HMGB1: variants seen among roughly 807,000 people sequenced by gnomAD.
HMGB1 encodes high mobility group box 1, also known as high mobility group protein B1.
For synonymous variants in HMGB1, 81 were observed against 84.0 expected, an observed-to-expected ratio of 0.96 and a Z score of 0.19; for missense variants, 79 against 253.5, an observed-to-expected ratio of 0.31 and a Z score of 4.67.
intron 1 of HMGB1, among the ~76,000 whole-genome samples, chr13:30,587,927 GA>G (rs1871221415): frequency 6.6e-6 from 1 of 152,098 alleles, no homozygotes; most frequent in African/African-American, 2.4e-5. Flanking sequence ...CTAATCTCTG[GA>G]AAAAAGCAAG....
At position 30,459,056 on chromosome 13, in the gene HMGB1, TTA is replaced by T. The variant is rs1886137616; in HGVS notation, c.*2299_*2300del. On this transcript the variant is annotated 3_prime_UTR_variant, in exon 5 of 5. Coordinates refer to ENST00000341423, the MANE Select transcript of HMGB1 (RefSeq NM_002128.7). ...AAAGTTGGCCCAATTAATTATAGATTTAGTCTTTTCTTGATGTCAACAAAGTC... is the reference window on the plus strand; with the variant it reads ...AAAGTTGGCCCAATTAATTATAGATTGTCTTTTCTTGATGTCAACAAAGTC... 1.3e-5 allele frequency: 2 copies of T among 152,170 alleles called. No individual in the cohort carries two copies. Among genetic ancestry groups the T allele is most frequent in the African/African-American group, 4.8e-5 (2 of 41,440 alleles). The allele number at this position is 152,170 out of a possible 1,614,324, so 9.4% of individuals were successfully genotyped here. A position where few individuals can be genotyped will look rare whatever the true frequency, so the allele number is the denominator to read the frequency against.
chr13:30,538,676 CTTTCTTTCCTTTCTTTCTTTCTTTCTT>C (rs1868671202), intron 1 of HMGB1, among the ~76,000 whole-genome samples: 1 of 17,258 alleles, frequency 5.8e-5, no homozygotes, highest in African/African-American at 1.7e-4. Context: ...TTCTTTCTTT[CTTTCTTTCCTTTCTTTCTTTCTTTCTT>C]TTTCTTTCTT....
At chr13:30,534,115 C>G (rs1888559307) in intron 1 of HMGB1, among the ~76,000 whole-genome samples, 1 of 152,192 alleles carries the variant, frequency 6.6e-6, no homozygotes, top group Admixed American at 6.5e-5. Context: ...CTGCCTGCCT[C>G]CCAAAGTGCT....
At chr13:30,508,017 A>C (rs1234041445) in intron 1 of HMGB1, among the ~76,000 whole-genome samples, 1 of 150,142 alleles carries the variant, frequency 6.7e-6, no homozygotes, top group Non-Finnish European at 1.5e-5. Context: ...AAAATAATTA[A>C]TGAGAGCCAG....
At chr13:30,495,142 C>G (rs1035447893) in intron 1 of HMGB1, among the ~76,000 whole-genome samples, 3 of 152,178 alleles carry the variant, frequency 2.0e-5, no homozygotes, top group Admixed American at 2.0e-4. Flanking sequence ...AAGGCCTCAT[C>G]ATCTTTTGGC....
chr13:30,564,885 C>A (rs1447636523), intron 1 of HMGB1, among the ~76,000 whole-genome samples: 3 of 152,138 alleles, frequency 2.0e-5, no homozygotes, highest in African/African-American at 7.2e-5. Flanking sequence ...TTCTAACAAT[C>A]CCACTGCAAA....
rs530524736 is a variant in HMGB1 at position 30,459,613 on chromosome 13, A to C, written c.*1744T>G. On this transcript the variant is annotated 3_prime_UTR_variant, in exon 5 of 5. Coordinates refer to ENST00000341423, the MANE Select transcript of HMGB1 (RefSeq NM_002128.7). ...TAAAAATCTTGTTTAAATCATTCTG[A>C]AAGTAAAACTAGTTTTTCCTCCTTT... The C allele has an allele frequency of 6.6e-6, 1 of 152,294 alleles. No individual in the cohort carries two copies. The highest frequency in any genetic ancestry group is 2.4e-5 in the African/African-American group (1 of 41,570). 9.4% of individuals were successfully genotyped at this position (152,294 alleles called of 1,614,324 possible). A position where few individuals can be genotyped will look rare whatever the true frequency, so the allele number is the denominator to read the frequency against.
intron 1 of HMGB1, among the ~76,000 whole-genome samples, chr13:30,498,262 G>A (rs907977392): frequency 6.6e-6 from 1 of 152,210 alleles, no homozygotes; most frequent in Admixed American, 6.5e-5. Flanking sequence ...GGAGGTTGTA[G>A]TGAGCCGAGA....
chr13:30,526,187 G>C lies in HMGB1; in HGVS notation c.-14-62493C>G, dbSNP rs573995436. Among the ~76,000 whole-genome samples the C allele has an allele frequency of 4.1e-4, 63 of 152,294 alleles. No individual in the cohort carries two copies. In the Middle Eastern group the frequency reaches 0.017, roughly 41 times the overall value. ...TTCTCACGCCTCAGTCTCCTGAGTAGCTGGGATTACAGGCATGCACCACCA... is the reference window on the plus strand; with the variant it reads ...TTCTCACGCCTCAGTCTCCTGAGTACCTGGGATTACAGGCATGCACCACCA... On this transcript the variant is annotated intron_variant, in intron 1 of 4. Transcript: ENST00000405805.
At chr13:30,549,691 G>A (rs1345211540) in intron 1 of HMGB1, among the ~76,000 whole-genome samples, 1 of 145,180 alleles carries the variant, frequency 6.9e-6, no homozygotes, top group Non-Finnish European at 1.5e-5. Context: ...CACTGTGCCT[G>A]GCACAAACAC....
chr13:30,467,390 C>T (rs143816855), upstream of HMGB1, among the ~76,000 whole-genome samples: 1 of 152,160 alleles, frequency 6.6e-6, no homozygotes, highest in Non-Finnish European at 1.5e-5. Flanking sequence ...TATTAAACTA[C>T]TTGAGAGTAA....
chr13:30,592,311 G>T lies in HMGB1; in HGVS notation c.-15+24360C>A, dbSNP rs144498632. Among the ~76,000 whole-genome samples the T allele has an allele frequency of 4.8e-3, 723 of 151,998 alleles. 6 individuals are homozygous for T. The highest frequency in any genetic ancestry group is 0.016 in the African/African-American group (645 of 41,480). ...TTGGCATATTTAGTTACTGTATTAAGAAAATGTACAACACATAATTTAGAA... is the reference window on the plus strand; with the variant it reads ...TTGGCATATTTAGTTACTGTATTAATAAAATGTACAACACATAATTTAGAA... On this transcript the variant is annotated intron_variant, in intron 1 of 4. Coordinates refer to the HMGB1 transcript ENST00000405805.
chr13:30,592,021 C>T (rs1871392784), intron 1 of HMGB1, among the ~76,000 whole-genome samples: 1 of 151,952 alleles, frequency 6.6e-6, no homozygotes, highest in Admixed American at 6.6e-5. Flanking sequence ...TGTGTTCTTT[C>T]CTCTCAATTT....
chr13:30,498,278 C>T (rs1887656966), intron 1 of HMGB1, among the ~76,000 whole-genome samples: 1 of 152,164 alleles, frequency 6.6e-6, no homozygotes, highest in Non-Finnish European at 1.5e-5. Context: ...CGAGATTGCA[C>T]CACTGCACTC....
upstream of HMGB1, among the ~76,000 whole-genome samples, chr13:30,467,486 TG>T (rs1886822396): frequency 6.6e-6 from 1 of 152,228 alleles, no homozygotes; most frequent in Admixed American, 6.5e-5. Context: ...TCTTGGTGAA[TG>T]GACAATATAT....
At chr13:30,465,677 C>A (rs1383906205) in intron 1 of HMGB1, 119 bp downstream of exon 1, 4 of 336,338 alleles carry the variant, frequency 1.2e-5, no homozygotes, top group African/African-American at 2.2e-5. Context: ...ACGGTCCCCC[C>A]TCATTTGCCT....
chr13:30,590,894 C>T (rs187689193), intron 1 of HMGB1, among the ~76,000 whole-genome samples: 2 of 152,234 alleles, frequency 1.3e-5, no homozygotes, highest in African/African-American at 4.8e-5. Context: ...GCTTCTCAGC[C>T]TACAGAACTG....
intron 1 of HMGB1, among the ~76,000 whole-genome samples, chr13:30,489,744 TTTTTTC>T (rs1234815246): frequency 1.4e-5 from 2 of 147,772 alleles, no homozygotes; most frequent in Non-Finnish European, 3.0e-5. Flanking sequence ...TTTTTTTTTT[TTTTTTC>T]CTGAGACGGA....
Position 30,565,200 on chromosome 13 carries a change from G to A in HMGB1, c.-15+51471C>T, listed in dbSNP as rs1870137140. Among the ~76,000 whole-genome samples the A allele has an allele frequency of 2.0e-5, 3 of 152,116 alleles. No individual in the cohort carries two copies. The South Asian group carries it at 6.2e-4, about 32-fold the overall frequency. On this transcript the variant is annotated intron_variant, in intron 1 of 4. Transcript: ENST00000405805. ...CTTCCATTTTTGAATTTATATTAGA[G>A]GTCAATAACTCACCTTTGTCCTTTT... is the stretch of plus-strand genomic sequence containing the variant.
Sources: allele counts gnomAD v4.1 joint callset (sites outside exome capture counted in the v4.1 genomes callset), GRCh38; gene constraint gnomAD v4.1.1; transcripts MANE v1.5; gene names NCBI Gene and HGNC (gene_info 2026-07-23, HGNC 2026-07-21).